USP4: variants seen among roughly 807,000 people sequenced by gnomAD.
USP4 encodes ubiquitin carboxyl-terminal hydrolase 4.
USP4 carries 72 observed loss-of-function variants against 118.2 expected under a neutral mutation model. The observed-to-expected ratio is 0.61, with a 90% confidence interval of 0.50 to 0.74. The LOEUF is 0.74. Ranked by LOEUF, USP4 falls within the 30% of genes least tolerant of loss-of-function variation. The pLI, the probability that USP4 is intolerant of heterozygous loss-of-function variation, is 0.00. For missense variants in USP4, 1,037 were observed against 1,185.7 expected (o/e 0.87, Z 1.84); for synonymous variants, 415 against 440.4 (o/e 0.94, Z 0.72).
At chr3:49,287,876 A>G (rs1481820262) in intron 15 of USP4, among the ~76,000 whole-genome samples, 1 of 152,218 alleles carries the variant, frequency 6.6e-6, no homozygotes, top group Non-Finnish European at 1.5e-5. Context: ...TCTTAGGTGC[A>G]GGTACCATGC....
At chr3:49,281,142 G>A (rs1017590977) in intron 19 of USP4, among the ~76,000 whole-genome samples, 6 of 152,008 alleles carry the variant, frequency 3.9e-5, no homozygotes, top group Admixed American at 3.9e-4. Flanking sequence ...CCAACATGGT[G>A]AAATCCCGTC....
chr3:49,298,637 T>C lies in USP4; in HGVS notation c.1513-2A>G, dbSNP rs1440486169. The C allele has an allele frequency of 1.2e-6, 2 of 1,613,462 alleles. No homozygotes were observed. The highest frequency in any genetic ancestry group is 1.7e-6 in the Non-Finnish European group (2 of 1,179,426). ...CATCAGCGGCACAGTCACACGGTAC[T>C]GCAAGACAGAGATGGTCAAGGTCAC... On this transcript the variant is annotated splice_acceptor_variant, in intron 11 of 21. Coordinates refer to ENST00000265560, the MANE Select transcript of USP4 (RefSeq NM_003363.4). LOFTEE classifies it high-confidence loss of function.
intron 8 of USP4, among the ~76,000 whole-genome samples, chr3:49,309,165 C>T (rs1241219571): frequency 6.6e-6 from 1 of 151,984 alleles, no homozygotes; most frequent in Admixed American, 6.6e-5. Context: ...TAGTCTACAT[C>T]CTCTCACTAC....
intron 20 of USP4, among the ~76,000 whole-genome samples, chr3:49,279,409 C>T (rs1454373875): frequency 6.6e-6 from 1 of 151,730 alleles, no homozygotes; most frequent in African/African-American, 2.4e-5. Flanking sequence ...GTTTGCAGAG[C>T]TGGGATGTGA....
chr3:49,298,553 T>C lies in USP4; in HGVS notation c.1595A>G (p.Asn532Ser). 1 of 1,614,068 alleles carries C rather than the reference T, an allele frequency of 6.2e-7. No individual in the cohort carries two copies. Among genetic ancestry groups the C allele is most frequent in the Non-Finnish European group, 8.5e-7 (1 of 1,179,940 alleles). ...LSRLSGIAAENMVVADVYNHR... is the reference protein window; with the variant it reads ...LSRLSGIAAESMVVADVYNHR... ...GTGCCACTGATCACCCCGCCTTACA[T>C]TTTCTGCAGCAATGCCAGACAGCCT... Residue 532 changes from asparagine to serine, a missense_variant and splice_region_variant, in exon 12 of 22, where the codon AAT becomes AGT. Coordinates refer to ENST00000265560, the MANE Select transcript of USP4 (RefSeq NM_003363.4).
chr3:49,313,350 A>T (rs2047405701), intron 6 of USP4, among the ~76,000 whole-genome samples: 1 of 151,268 alleles, frequency 6.6e-6, no homozygotes, highest in Non-Finnish European at 1.5e-5. Flanking sequence ...AACGTGGTGG[A>T]ACCCCGTCTC....
At chr3:49,321,875 A>C (rs1473913598) in intron 6 of USP4, among the ~76,000 whole-genome samples, 1 of 152,070 alleles carries the variant, frequency 6.6e-6, no homozygotes, top group Non-Finnish European at 1.5e-5. Flanking sequence ...TGCACCTGTA[A>C]TCCCAGCTAC....
chr3:49,305,850 G>C lies in USP4; in HGVS notation c.993C>G (p.Leu331=). ...SNTAPLTDYF[L]KDEYEAEINR... Reference sequence around the variant, plus strand: ...TGATTTCGGCTTCATACTCATCTTTGAGAAAGTAGTCAGTCAGTGGTGCAG... The same window carrying C: ...TGATTTCGGCTTCATACTCATCTTTCAGAAAGTAGTCAGTCAGTGGTGCAG... The change falls in exon 9 of 22, where the codon CTC becomes CTG. Residue 331 remains leucine (L), a synonymous_variant. Coordinates refer to ENST00000265560, the MANE Select transcript of USP4 (RefSeq NM_003363.4). 1 of 1,613,926 alleles carries C rather than the reference G, an allele frequency of 6.2e-7. No individual in the cohort carries two copies. The highest frequency in any genetic ancestry group is 8.5e-7 in the Non-Finnish European group (1 of 1,179,942).
intron 2 of USP4, among the ~76,000 whole-genome samples, chr3:49,333,017 CTTTTT>C (rs924405074): frequency 5.5e-5 from 7 of 126,288 alleles, no homozygotes; most frequent in African/African-American, 2.1e-4. Context: ...CAGTAGCTAC[CTTTTT>C]TTTTTTTGAG....
chr3:49,305,796 C>T lies in USP4; in HGVS notation c.1047G>A (p.Gly349=). The change falls in exon 9 of 22, where the codon GGG becomes GGA. Residue 349 remains glycine (G), a synonymous_variant. Coordinates refer to ENST00000265560, the MANE Select transcript of USP4 (RefSeq NM_003363.4). Reference sequence around the variant, plus strand: ...GTTCAGCATAGGCTTCTGCAATTTCCCCTTTCATCCCCAGAGGGTTGTCTC... The same window carrying T: ...GTTCAGCATAGGCTTCTGCAATTTCTCCTTTCATCCCCAGAGGGTTGTCTC... ...INRDNPLGMK[G]EIAEAYAELI... 3 of 1,614,120 alleles carry T rather than the reference C, an allele frequency of 1.9e-6. No individual in the cohort carries two copies. The highest frequency in any genetic ancestry group is 2.5e-6 in the Non-Finnish European group (3 of 1,180,038).
At chr3:49,304,479 C>T (rs935026830) in intron 9 of USP4, among the ~76,000 whole-genome samples, 2 of 152,136 alleles carry the variant, frequency 1.3e-5, no homozygotes, top group Admixed American at 1.3e-4. Flanking sequence ...CATCACCTTC[C>T]AAGAATGTGA....
chr3:49,292,544 T>G lies in USP4; in HGVS notation c.1938A>C (p.Pro646=). Residue 646 remains proline, a synonymous_variant, in exon 15 of 22, where the codon CCA becomes CCC. Coordinates refer to ENST00000265560, the MANE Select transcript of USP4 (RefSeq NM_003363.4). The part of the protein sequence containing the change: ...PDEFGSSPLE[P]GACNGSRNSC... ...TGTTCCTGGAGCCATTGCAGGCCCC[T>G]GGCTCCAAGGGTGAGCTGCCAAACT... 2 of 1,600,552 alleles carry G rather than the reference T, an allele frequency of 1.2e-6. No homozygotes were observed. Among genetic ancestry groups the G allele is most frequent in the Non-Finnish European group, 1.7e-6 (2 of 1,172,804 alleles).
intron 12 of USP4, 35 bp from the exon 13 acceptor site, chr3:49,297,999 G>A (rs778038511): frequency 7.2e-7 from 1 of 1,385,914 alleles, no homozygotes; most frequent in South Asian, 1.2e-5. Flanking sequence ...ACCACAGAAT[G>A]GCTAAGAGTG....
chr3:49,278,677 A>G (rs2046986518), intron 21 of USP4, 137 bp downstream of exon 21: 1 of 861,424 alleles, frequency 1.2e-6, no homozygotes, highest in Non-Finnish European at 1.8e-6. Flanking sequence ...TCCCTGAAGG[A>G]ATGCCAGCCA....
At chr3:49,335,120 CA>C (rs914825011) in intron 2 of USP4, among the ~76,000 whole-genome samples, 1 of 152,074 alleles carries the variant, frequency 6.6e-6, no homozygotes, top group Non-Finnish European at 1.5e-5. Context: ...GCAAAGGTAA[CA>C]AAAAATTCTG....
At chr3:49,280,547 G>A (rs574486842) in intron 20 of USP4, among the ~76,000 whole-genome samples, 197 bp downstream of exon 20, 5 of 138,374 alleles carry the variant, frequency 3.6e-5, no homozygotes, top group Non-Finnish European at 6.1e-5. Context: ...GTGACATAAC[G>A]AGACTCCGTC....
intron 2 of USP4, among the ~76,000 whole-genome samples, chr3:49,335,030 TC>T (rs1462487460): frequency 6.6e-6 from 1 of 152,166 alleles, no homozygotes; most frequent in African/African-American, 2.4e-5. Context: ...CTTCAACCTC[TC>T]CTCACACTAG....
At chr3:49,313,996 T>C (rs1416486586) in intron 6 of USP4, 1 of 152,132 alleles carries the variant, frequency 6.6e-6, no homozygotes, top group Non-Finnish European at 1.5e-5. Context: ...CATGAGCCAC[T>C]GCGCTCAGCC....
At chr3:49,288,971 G>A (rs994183908) in intron 15 of USP4, among the ~76,000 whole-genome samples, 13 of 152,200 alleles carry the variant, frequency 8.5e-5, no homozygotes, top group African/African-American at 2.2e-4. Context: ...TTAGCTGGGC[G>A]TGGTGGCACA....
Sources: gnomAD v4.1 joint callset for allele counts (sites outside exome capture counted in the v4.1 genomes callset) on GRCh38, gnomAD v4.1.1 for gene constraint, MANE v1.5 for transcripts, NCBI Gene and HGNC (gene_info 2026-07-23, HGNC 2026-07-21) for gene names.